The following OR2AG2 variants were observed in gnomAD, a reference collection of about 807,000 sequenced individuals.
OR2AG2 encodes olfactory receptor 2AG2.
For synonymous variants in OR2AG2, 167 were observed against 157.1 expected (o/e 1.06, Z -0.47); for missense variants, 390 against 391.9 (o/e 1.00, Z 0.04).
Position 6,768,382 on chromosome 11 carries a change from G to A in OR2AG2, c.576C>T (p.Thr192=). 6.2e-7 allele frequency: 1 copy of A among 1,614,146 alleles called. No individual in the cohort carries two copies. Among genetic ancestry groups the A allele is most frequent in the South Asian group, 1.1e-5 (1 of 91,084 alleles). The change falls in exon 2 of 2, where the codon ACC becomes ACT. Residue 192 remains threonine, a synonymous_variant. Coordinates refer to ENST00000641124, the MANE Select transcript of OR2AG2 (RefSeq NM_001004490.2). ...CGTATATTATAAGCTCATACCTGGA[G>A]GTATCAGCACAGGCCAACTTCAGCA... The part of the protein sequence containing the change: ...PPLLKLACAD[T]SRYELIIYVT...
In OR2AG2 at chr11:6,767,938, G is replaced by A; in HGVS notation, c.*69C>T. The A allele has an allele frequency of 7.8e-7, 1 of 1,280,488 alleles. No individual in the cohort carries two copies. Among genetic ancestry groups the A allele is most frequent in the East Asian group, 2.4e-5 (1 of 42,298 alleles). The allele number at this position is 1,280,488 out of a possible 1,614,324, so 79.3% of individuals were successfully genotyped here. On this transcript the variant is annotated 3_prime_UTR_variant, in exon 2 of 2. Transcript: ENST00000641124. ...ATGAGTGAGTAGAGAATTTTATTTG[G>A]AGCAGGAATGAGTGAGTAGAGAATT... is the stretch of plus-strand genomic sequence containing the variant.
Position 6,766,513 on chromosome 11 carries a change from A to AT in OR2AG2, c.*1493dup, listed in dbSNP as rs1391123979. ...ATTTTATAGATTAGCTTTATCTTTT[A>AT]TTTTTTATGGTTTAGCTTTATAGAT... On this transcript the variant is annotated 3_prime_UTR_variant, in exon 2 of 2. Transcript: ENST00000641124. 2.0e-5 allele frequency: 3 copies of AT among 152,056 alleles called. No individual in the cohort carries two copies. Among genetic ancestry groups the AT allele is most frequent in the South Asian group, 2.1e-4 (1 of 4,832 alleles). 9.4% of individuals were successfully genotyped at this position (152,056 alleles called of 1,614,324 possible).
In OR2AG2 at chr11:6,768,056, A is replaced by G. The variant is rs143791296; in HGVS notation, c.902T>C (p.Leu301Ser). ...TATGTATTTTCCCAGGACCCTCCTC[A>G]AGGCCCGCATGACCTCCTTATTCCT... is the stretch of plus-strand genomic sequence containing the variant. ...SLRNKEVMRA[L>S]RRVLGKYILL... Residue 301 changes from leucine to serine, a missense_variant, in exon 2 of 2, where the codon TTG becomes TCG. Leu to Ser is a moderately radical substitution (Grantham distance 145). Coordinates refer to ENST00000641124, the MANE Select transcript of OR2AG2 (RefSeq NM_001004490.2). 299 of 1,614,074 alleles carry G rather than the reference A, an allele frequency of 1.9e-4. No individual in the cohort carries two copies. Among genetic ancestry groups the G allele is most frequent in the Admixed American group, 9.3e-4 (56 of 60,010 alleles).
At chr11:6,771,452 G>T (rs533959831) in intron 1 of OR2AG2, among the ~76,000 whole-genome samples, 170 bp downstream of exon 1, 5 of 152,308 alleles carry the variant, frequency 3.3e-5, no homozygotes, top group African/African-American at 1.2e-4. Context: ...GTTCCTACAT[G>T]TGCAAGATGG....
At position 6,767,851 on chromosome 11, in the gene OR2AG2, A is replaced by G; in HGVS notation, c.*156T>C. The G allele has an allele frequency of 1.5e-6, 1 of 650,566 alleles. No homozygotes were observed. Among genetic ancestry groups the G allele is most frequent in the Non-Finnish European group, 2.6e-6 (1 of 380,846 alleles). The allele number at this position is 650,566 out of a possible 1,614,324, so 40.3% of individuals were successfully genotyped here. On this transcript the variant is annotated 3_prime_UTR_variant, in exon 2 of 2. Transcript: ENST00000641124. Reference sequence around the variant, plus strand: ...AGATCATTGTACACACCAGATTCACAGTTGAAAATAAAAGTAAAATTTAAA... The same window carrying G: ...AGATCATTGTACACACCAGATTCACGGTTGAAAATAAAAGTAAAATTTAAA...
At position 6,768,049 on chromosome 11, in the gene OR2AG2, C is replaced by A; in HGVS notation, c.909G>T (p.Arg303Ser). ...CCAGCAGTATGTATTTTCCCAGGAC[C>A]CTCCTCAAGGCCCGCATGACCTCCT... is the stretch of plus-strand genomic sequence containing the variant. ...RNKEVMRALR[R>S]VLGKYILLAH... The change falls in exon 2 of 2, where the codon AGG becomes AGT. Residue 303 changes from arginine (R) to serine (S), a missense_variant. Coordinates refer to ENST00000641124, the MANE Select transcript of OR2AG2 (RefSeq NM_001004490.2). 1 of 1,613,920 alleles carries A rather than the reference C, an allele frequency of 6.2e-7. No individual in the cohort carries two copies. The highest frequency in any genetic ancestry group is 2.2e-5 in the East Asian group (1 of 44,858).
At chr11:6,770,066 C>T (rs1847433114) in intron 1 of OR2AG2, among the ~76,000 whole-genome samples, 1 of 152,140 alleles carries the variant, frequency 6.6e-6, no homozygotes, top group African/African-American at 2.4e-5. Flanking sequence ...TGTCCCTATC[C>T]TGGTCAACTC....
rs1012306822 is a variant in OR2AG2 at position 6,769,265 on chromosome 11, T to C, written c.-308A>G. 4.0e-5 allele frequency: 11 copies of C among 274,350 alleles called. No homozygotes were observed. Among genetic ancestry groups the C allele is most frequent in the Non-Finnish European group, 7.5e-5 (11 of 146,076 alleles). The allele number at this position is 274,350 out of a possible 1,614,324, so 17.0% of individuals were successfully genotyped here. On this transcript the variant is annotated 5_prime_UTR_variant, in exon 2 of 2. Coordinates refer to ENST00000641124, the MANE Select transcript of OR2AG2 (RefSeq NM_001004490.2). Reference sequence around the variant, plus strand: ...ATCTTTGTAGATAGATGAAAGCATCTCTTTCTTCACAATGAACAAATATAC... The same window carrying C: ...ATCTTTGTAGATAGATGAAAGCATCCCTTTCTTCACAATGAACAAATATAC...
rs1332321043 is a variant in OR2AG2, at chr11:6,765,821, T to C, written c.*2186A>G. ...TCAGATTATATTGTGTGCTTGAAAA[T>C]TGCTGAGAAAGTAGATTTTAACTTT... On this transcript the variant is annotated 3_prime_UTR_variant, in exon 2 of 2. Coordinates refer to ENST00000641124, the MANE Select transcript of OR2AG2 (RefSeq NM_001004490.2). The C allele has an allele frequency of 6.6e-6, 1 of 152,094 alleles. No homozygotes were observed. The highest frequency in any genetic ancestry group is 1.5e-5 in the Non-Finnish European group (1 of 67,976). The allele number at this position is 152,094 out of a possible 1,614,324, so 9.4% of individuals were successfully genotyped here. A position where few individuals can be genotyped will look rare whatever the true frequency, so the allele number is the denominator to read the frequency against.
Position 6,765,940 on chromosome 11 carries a change from T to C in OR2AG2, c.*2067A>G, listed in dbSNP as rs1270458580. On this transcript the variant is annotated 3_prime_UTR_variant, in exon 2 of 2. Coordinates refer to ENST00000641124, the MANE Select transcript of OR2AG2 (RefSeq NM_001004490.2). ...AAAGTATACATATTTCAAAACATCA[T>C]GTTTTACTACATTAAGACATACATA... The C allele has an allele frequency of 2.0e-5, 3 of 151,104 alleles. No individual in the cohort carries two copies. The highest frequency in any genetic ancestry group is 4.2e-4 in the South Asian group (2 of 4,804). 9.4% of individuals were successfully genotyped at this position (151,104 alleles called of 1,614,324 possible). A position where few individuals can be genotyped will look rare whatever the true frequency, so the allele number is the denominator to read the frequency against.
Position 6,769,393 on chromosome 11 carries a change from C to G in OR2AG2, c.-436G>C, listed in dbSNP as rs985207551. The stretch of plus-strand genomic sequence containing the variant: ...TTATAAAAAACCTCTTTGCTGTCTT[C>G]TCCCTTAAACCAGTCTCATTGTTGT... On this transcript the variant is annotated 5_prime_UTR_variant, in exon 2 of 2. Coordinates refer to ENST00000641124, the MANE Select transcript of OR2AG2 (RefSeq NM_001004490.2). The G allele has an allele frequency of 1.2e-5, 2 of 163,216 alleles. No homozygotes were observed. Among genetic ancestry groups the G allele is most frequent in the African/African-American group, 4.8e-5 (2 of 41,508 alleles). 10.1% of individuals were successfully genotyped at this position (163,216 alleles called of 1,614,324 possible). A position where few individuals can be genotyped will look rare whatever the true frequency, so the allele number is the denominator to read the frequency against.
Position 6,768,698 on chromosome 11 carries a change from C to T in OR2AG2, c.260G>A (p.Arg87His), listed in dbSNP as rs11828782. 120 of 1,613,774 alleles carry T rather than the reference C, an allele frequency of 7.4e-5. No homozygotes were observed. The highest frequency in any genetic ancestry group is 1.6e-4 in the Middle Eastern group (1 of 6,064). ...VTPKALADFL[R>H]RENTISFGGC... Reference sequence around the variant, plus strand: ...TCCAAAGGAGATAGTGTTTTCTCTGCGCAGAAAGTCCGCAAGGGCCTTGGG... The same window carrying T: ...TCCAAAGGAGATAGTGTTTTCTCTGTGCAGAAAGTCCGCAAGGGCCTTGGG... Residue 87 changes from arginine (R) to histidine (H), a missense_variant, in exon 2 of 2, where the codon CGC becomes CAC. Transcript: ENST00000641124.
In OR2AG2 at chr11:6,768,383, G is replaced by A. The variant is rs748822957; in HGVS notation, c.575C>T (p.Thr192Ile). ...PPLLKLACAD[T>I]SRYELIIYVT... is the part of the protein sequence containing the mutation. ...GTATATTATAAGCTCATACCTGGAG[G>A]TATCAGCACAGGCCAACTTCAGCAA... is the stretch of plus-strand genomic sequence containing the variant. The change falls in exon 2 of 2, where the codon ACC becomes ATC. Residue 192 changes from threonine (T) to isoleucine (I), a missense_variant. By Grantham distance (89) the Thr-to-Ile change is moderately conservative. Coordinates refer to ENST00000641124, the MANE Select transcript of OR2AG2 (RefSeq NM_001004490.2). The A allele has an allele frequency of 5.0e-6, 8 of 1,614,114 alleles. No individual in the cohort carries two copies. In the South Asian group the frequency reaches 8.8e-5, roughly 18 times the overall value.
chr11:6,770,458 A>C (rs1404760354), intron 1 of OR2AG2, among the ~76,000 whole-genome samples: 1 of 152,040 alleles, frequency 6.6e-6, no homozygotes, highest in Non-Finnish European at 1.5e-5. Context: ...AATACAGTAC[A>C]TGAATGTCCT....
chr11:6,769,581 T>C (rs1256731088), intron 1 of OR2AG2, 87 bp from the exon 2 acceptor site: 1 of 152,254 alleles, frequency 6.6e-6, no homozygotes, highest in African/African-American at 2.4e-5. Flanking sequence ...GTACAAAAGG[T>C]GTTTGCTGAG....
Position 6,768,453 on chromosome 11 carries a change from A to C in OR2AG2, c.505T>G (p.Cys169Gly), listed in dbSNP as rs755651234. 1 of 1,614,182 alleles carries C rather than the reference A, an allele frequency of 6.2e-7. No homozygotes were observed. Among genetic ancestry groups the C allele is most frequent in the Non-Finnish European group, 8.5e-7 (1 of 1,180,028 alleles). Reference protein sequence around the residue: ...HTMYTMHLPFCVSWEIRHLLC... With the variant: ...HTMYTMHLPFGVSWEIRHLLC... ...AGATGCCTGATTTCCCAGGACACACAGAAAGGGAGGTGCATAGTGTACATG... is the reference window on the plus strand; with the variant it reads ...AGATGCCTGATTTCCCAGGACACACCGAAAGGGAGGTGCATAGTGTACATG... The change falls in exon 2 of 2, where the codon TGT becomes GGT. Residue 169 changes from cysteine (C) to glycine (G), a missense_variant. Cys to Gly is a radical substitution (Grantham distance 159, BLOSUM62 -3). Coordinates refer to ENST00000641124, the MANE Select transcript of OR2AG2 (RefSeq NM_001004490.2).
intron 1 of OR2AG2, among the ~76,000 whole-genome samples, chr11:6,771,078 G>A (rs1355325422): frequency 1.3e-5 from 2 of 152,184 alleles, no homozygotes; most frequent in African/African-American, 2.4e-5. Flanking sequence ...ATATTAAGAG[G>A]CATTGCTATA....
Position 6,771,847 on chromosome 11 carries a change from C to G in OR2AG2, c.-763G>C, listed in dbSNP as rs574468161. 6.6e-6 allele frequency: 1 copy of G among 152,348 alleles called. No individual in the cohort carries two copies. The highest frequency in any genetic ancestry group is 1.9e-4 in the East Asian group (1 of 5,182). The allele number at this position is 152,348 out of a possible 1,614,324, so 9.4% of individuals were successfully genotyped here. A position where few individuals can be genotyped will look rare whatever the true frequency, so the allele number is the denominator to read the frequency against. On this transcript the variant is annotated 5_prime_UTR_variant, in exon 1 of 2. Transcript: ENST00000641124. ...GGCAGGATCCTGCAGAAGTGAGGAG[C>G]TGAATCTCTTCCAAAGTTCTCTCAT...
chr11:6,768,408 A>C lies in OR2AG2; in HGVS notation c.550T>G (p.Leu184Val), dbSNP rs771970355. 6.2e-7 allele frequency: 1 copy of C among 1,614,196 alleles called. No individual in the cohort carries two copies. Among genetic ancestry groups the C allele is most frequent in the Non-Finnish European group, 8.5e-7 (1 of 1,180,024 alleles). The change falls in exon 2 of 2, where the codon TTG (leucine) becomes GTG (valine). Residue 184 changes from leucine (L) to valine (V), a missense_variant. Coordinates refer to ENST00000641124, the MANE Select transcript of OR2AG2 (RefSeq NM_001004490.2). ...IRHLLCEIPPLLKLACADTSR... is the reference protein window; with the variant it reads ...IRHLLCEIPPVLKLACADTSR... ...GTATCAGCACAGGCCAACTTCAGCA[A>C]GGGTGGGATCTCACAGAGCAGATGC... is the stretch of plus-strand genomic sequence containing the variant.
Sources: allele counts gnomAD v4.1 joint callset (sites outside exome capture counted in the v4.1 genomes callset), GRCh38; gene constraint gnomAD v4.1.1; transcripts MANE v1.5; gene names NCBI Gene and HGNC (gene_info 2026-07-23, HGNC 2026-07-21).